The following ZNF704 variants were observed in gnomAD, a reference collection of about 807,000 sequenced individuals.
ZNF704 encodes the protein zinc finger protein 704.
In ZNF704, 10 loss-of-function variants were observed where a neutral mutation model predicts 44.7. The observed-to-expected ratio is 0.22, with a 90% CI of 0.14 to 0.38. The LOEUF (loss-of-function observed/expected upper bound fraction) is 0.38. Ranked by LOEUF, ZNF704 falls within the 10% of genes least tolerant of loss-of-function variation. The pLI is 1.00. For synonymous variants in ZNF704, 211 were observed against 207.6 expected, an observed-to-expected ratio of 1.02 and a Z score of -0.14; for missense variants, 390 against 545.5, an observed-to-expected ratio of 0.71 and a Z score of 2.84.
chr8:80,696,778 C>G (rs1818733613), intron 2 of ZNF704, among the ~76,000 whole-genome samples: 1 of 152,182 alleles, frequency 6.6e-6, no homozygotes, highest in Non-Finnish European at 1.5e-5. Flanking sequence ...GGATGGGACG[C>G]AAGCCTAAAC....
rs1191791915 is a variant in ZNF704, at chr8:80,874,571, CCA to C, written c.-24_-23del. 2 of 151,852 alleles carry C rather than the reference CCA, an allele frequency of 1.3e-5. No individual in the cohort carries two copies. The highest frequency in any genetic ancestry group is 4.8e-5 in the African/African-American group (2 of 41,358). 9.4% of individuals were successfully genotyped at this position (151,852 alleles called of 1,614,324 possible). On this transcript the variant is annotated splice_region_variant and 5_prime_UTR_variant, in exon 1 of 9. It removes the in-frame stop codon of an upstream open reading frame in the 5' UTR. Coordinates refer to ENST00000327835, the MANE Select transcript of ZNF704 (RefSeq NM_001033723.3). This position sits in a 1 kb window ranked among gnomAD's most constrained non-coding sequence, Gnocchi z 4.4. ...GGACTGGATTTTTTTTTTCTCTTAC[CCA>C]CAGTCTCCGAAAGTCTGGCGCTTCG...
At chr8:80,691,817 A>C (rs149640082) in intron 3 of ZNF704, among the ~76,000 whole-genome samples, 2 of 152,204 alleles carry the variant, frequency 1.3e-5, no homozygotes, top group Admixed American at 6.5e-5. Context: ...TCTTGAACCA[A>C]ACATTTGCCA....
intron 1 of ZNF704, among the ~76,000 whole-genome samples, chr8:80,830,132 T>A (rs1212465892): frequency 1.3e-5 from 2 of 152,014 alleles, no homozygotes; most frequent in Non-Finnish European, 2.9e-5. Flanking sequence ...AAAGCATATA[T>A]AACGTCGAGT....
At chr8:80,820,622 A>AG (rs1368074145) in intron 2 of ZNF704, among the ~76,000 whole-genome samples, 2 of 152,098 alleles carry the variant, frequency 1.3e-5, no homozygotes, top group Non-Finnish European at 2.9e-5. Context: ...AAGGCAGGCC[A>AG]GGCACAGTAA....
At chr8:80,753,154 A>G (rs1806976494) in intron 2 of ZNF704, among the ~76,000 whole-genome samples, 2 of 152,160 alleles carry the variant, frequency 1.3e-5, no homozygotes, top group South Asian at 2.1e-4. Context: ...CCTAAATCCT[A>G]AAGAATAAAA....
chr8:80,783,547 A>C (rs1188907348), intron 2 of ZNF704, among the ~76,000 whole-genome samples: 6 of 152,148 alleles, frequency 3.9e-5, no homozygotes, highest in Non-Finnish European at 1.5e-5. Flanking sequence ...TAATGGGGGA[A>C]GGGGACATCA....
At chr8:80,865,813 A>G (rs999561116) in intron 1 of ZNF704, among the ~76,000 whole-genome samples, 8 of 152,168 alleles carry the variant, frequency 5.3e-5, no homozygotes, top group African/African-American at 1.9e-4. Context: ...GGTGTTCTGC[A>G]ACATGAACGA....
chr8:80,693,179 C>T, intron 2 of ZNF704, 72 bp from the exon 3 acceptor site: 1 of 1,272,350 alleles, frequency 7.9e-7, no homozygotes. Flanking sequence ...GTGTGACACG[C>T]TGTCACGCAT....
rs1818302678 is a variant in ZNF704 at position 80,672,783 on chromosome 8, T to C, written c.559-2180A>G. ...TAGAGGAGGGAAATAGGGAGTGGGG[T>C]AAGTGTTGAAAAACTATCTATTGGG... On this transcript the variant is annotated intron_variant, in intron 4 of 8. Coordinates refer to ENST00000327835, the MANE Select transcript of ZNF704 (RefSeq NM_001033723.3). Among the ~76,000 whole-genome samples the C allele has an allele frequency of 2.6e-5, 4 of 151,788 alleles. No individual in the cohort carries two copies. In the South Asian group the frequency reaches 8.3e-4, roughly 32 times the overall value.
At chr8:80,758,815 TTTTC>T (rs1807080956) in intron 2 of ZNF704, among the ~76,000 whole-genome samples, 1 of 152,234 alleles carries the variant, frequency 6.6e-6, no homozygotes, top group South Asian at 2.1e-4. Flanking sequence ...GCAGCATTAT[TTTTC>T]TTTATGAATT....
intron 1 of ZNF704, among the ~76,000 whole-genome samples, chr8:80,837,192 A>C (rs1342510885): frequency 3.9e-5 from 6 of 152,174 alleles, no homozygotes; most frequent in African/African-American, 1.4e-4. Flanking sequence ...AGGAAATAGT[A>C]AACTGGGGGA....
chr8:80,639,384 G>A lies in ZNF704; in HGVS notation c.*1982C>T, dbSNP rs528121702. The A allele has an allele frequency of 2.7e-4, 41 of 152,350 alleles. No individual in the cohort carries two copies. The highest frequency in any genetic ancestry group is 1.2e-3 in the East Asian group (6 of 5,182). The allele number at this position is 152,350 out of a possible 1,614,324, so 9.4% of individuals were successfully genotyped here. On this transcript the variant is annotated 3_prime_UTR_variant, in exon 9 of 9. Coordinates refer to ENST00000327835, the MANE Select transcript of ZNF704 (RefSeq NM_001033723.3). ...ACAGGACACCAGGAGGAGAAAGGACGTGTTAGAGTAGAGGAAACAAACACA... is the reference window on the plus strand; with the variant it reads ...ACAGGACACCAGGAGGAGAAAGGACATGTTAGAGTAGAGGAAACAAACACA...
chr8:80,692,752 A>G (rs1818660524), intron 3 of ZNF704, among the ~76,000 whole-genome samples: 1 of 152,208 alleles, frequency 6.6e-6, no homozygotes, highest in African/African-American at 2.4e-5. Context: ...CTGGCAAGGC[A>G]GAAAACAAAG....
chr8:80,746,104 T>C (rs573994725), intron 2 of ZNF704, among the ~76,000 whole-genome samples: 34 of 152,324 alleles, frequency 2.2e-4, no homozygotes, highest in Admixed American at 1.2e-3. Context: ...GTCTACTTTA[T>C]GCTTTCAGGT....
chr8:80,790,650 A>G (rs77659083), intron 2 of ZNF704, among the ~76,000 whole-genome samples: 1,823 of 152,176 alleles, frequency 0.012, 16 homozygotes, highest in Middle Eastern at 0.024. Context: ...GGGAGGTGGG[A>G]ATAGGAAGAC....
intron 2 of ZNF704, among the ~76,000 whole-genome samples, chr8:80,720,362 G>A (rs1819144864): frequency 2.0e-5 from 3 of 152,186 alleles, no homozygotes; most frequent in South Asian, 4.1e-4. Flanking sequence ...GGTTATAAGA[G>A]GATTTCTGAA....
At chr8:80,760,763 G>A (rs953174365) in intron 2 of ZNF704, among the ~76,000 whole-genome samples, 1 of 151,960 alleles carries the variant, frequency 6.6e-6, no homozygotes, top group African/African-American at 2.4e-5. Context: ...GGTCCTGCAG[G>A]CTGTACAGGA....
intron 2 of ZNF704, among the ~76,000 whole-genome samples, chr8:80,699,195 C>T (rs997578218): frequency 1.1e-4 from 17 of 152,262 alleles, no homozygotes; most frequent in African/African-American, 4.1e-4. Context: ...TAATAATCAT[C>T]CCCAATCTTG....
chr8:80,734,938 C>T (rs1157275315), intron 2 of ZNF704, among the ~76,000 whole-genome samples: 1 of 152,032 alleles, frequency 6.6e-6, no homozygotes, highest in Admixed American at 6.6e-5. Context: ...TTTGTTCATC[C>T]TTCTACTGTT....
Sources: gnomAD v4.1 joint callset for allele counts (sites outside exome capture counted in the v4.1 genomes callset) on GRCh38, gnomAD v4.1.1 for gene constraint, Gnocchi (gnomAD v3.1) non-coding constraint, MANE v1.5 for transcripts, NCBI Gene and HGNC (gene_info 2026-07-23, HGNC 2026-07-21) for gene names.